CACNA1E: variants seen among roughly 807,000 people sequenced by gnomAD.
The protein encoded by CACNA1E is voltage-dependent R-type calcium channel subunit alpha-1E.
A neutral mutation model predicts 259.2 loss-of-function variants in CACNA1E; 40 were observed. The observed-to-expected ratio is 0.15, with a 90% confidence interval of 0.12 to 0.20. CACNA1E has a LOEUF of 0.20. CACNA1E is among the 10% of genes least tolerant of loss of function. CACNA1E has a pLI of 1.00. For missense variants in CACNA1E, 1,874 were observed against 3,040.1 expected (o/e 0.62, Z 9.02); for synonymous variants, 1,104 against 1,138.5 (o/e 0.97, Z 0.61).
chr1:181,478,684 G>A (rs1663028607), upstream of CACNA1E, among the ~76,000 whole-genome samples: 1 of 152,242 alleles, frequency 6.6e-6, no homozygotes, highest in African/African-American at 2.4e-5. Flanking sequence ...GAGGGGCACA[G>A]GCCATTTGGA....
chr1:181,457,288 C>T (rs1661522098), intron 2 of CACNA1E, among the ~76,000 whole-genome samples: 1 of 152,236 alleles, frequency 6.6e-6, no homozygotes, highest in South Asian at 2.1e-4. Context: ...CTAATCACTT[C>T]CCAAAGGCCC....
chr1:181,492,137 C>G (rs2102514127), intron 1 of CACNA1E, among the ~76,000 whole-genome samples: 1 of 152,232 alleles, frequency 6.6e-6, no homozygotes, highest in East Asian at 1.9e-4. Context: ...CAAAACAAAA[C>G]AAAACAAAAC....
At chr1:181,422,672 T>C (rs531071380) in intron 2 of CACNA1E, among the ~76,000 whole-genome samples, 71 of 152,322 alleles carry the variant, frequency 4.7e-4, no homozygotes, top group African/African-American at 1.7e-3. Context: ...CAGCAACCTT[T>C]TTGAATTGTT....
chr1:181,364,555 G>A (rs1365011161), intron 1 of CACNA1E, among the ~76,000 whole-genome samples: 1 of 152,196 alleles, frequency 6.6e-6, no homozygotes, highest in African/African-American at 2.4e-5. Context: ...AGAAATAACA[G>A]GGATGGATGG....
chr1:181,403,714 A>G (rs967207759), intron 1 of CACNA1E, among the ~76,000 whole-genome samples: 56 of 152,296 alleles, frequency 3.7e-4, no homozygotes, highest in African/African-American at 1.3e-3. Context: ...CCCTCAACTA[A>G]TGTGCTTTGG....
intron 10 of CACNA1E, among the ~76,000 whole-genome samples, chr1:181,716,498 A>G (rs1018556836): frequency 6.6e-6 from 1 of 152,190 alleles, no homozygotes; most frequent in African/African-American, 2.4e-5. Context: ...TTCCAGGGAC[A>G]CGGATGTGAG....
chr1:181,586,169 G>C (rs1315105391), intron 6 of CACNA1E, among the ~76,000 whole-genome samples: 1 of 152,196 alleles, frequency 6.6e-6, no homozygotes, highest in Non-Finnish European at 1.5e-5. Context: ...ATGAGTTTGG[G>C]AGAAAGCAGC....
At chr1:181,326,020 C>T (rs112935825) in intron 1 of CACNA1E, among the ~76,000 whole-genome samples, 70 of 152,364 alleles carry the variant, frequency 4.6e-4, no homozygotes, top group African/African-American at 1.6e-3. Flanking sequence ...CCCGCTCCGC[C>T]GCCGGTTTCC....
intron 7 of CACNA1E, among the ~76,000 whole-genome samples, chr1:181,662,967 T>A (rs1355436786): frequency 6.6e-6 from 1 of 152,208 alleles, no homozygotes; most frequent in Non-Finnish European, 1.5e-5. Flanking sequence ...TTTTCTTTGT[T>A]AAATTCCTGC....
intron 25 of CACNA1E, among the ~76,000 whole-genome samples, chr1:181,744,343 G>A (rs996163528): frequency 3.9e-5 from 6 of 152,210 alleles, no homozygotes; most frequent in Admixed American, 1.3e-4. Flanking sequence ...GGAGCTGGGC[G>A]TGGTGGCTCA....
chr1:181,610,965 A>C (rs1558183123), intron 6 of CACNA1E, among the ~76,000 whole-genome samples: 1 of 152,080 alleles, frequency 6.6e-6, no homozygotes, highest in African/African-American at 2.4e-5. Context: ...TAAGATGGGG[A>C]AACAGAAGAG....
At chr1:181,602,788 T>C (rs1201373108) in intron 6 of CACNA1E, among the ~76,000 whole-genome samples, 1 of 152,126 alleles carries the variant, frequency 6.6e-6, no homozygotes, top group Non-Finnish European at 1.5e-5. Flanking sequence ...ATGTCCTTAG[T>C]ATTATTAGGC....
At chr1:181,562,491 A>G (rs1649423984) in intron 3 of CACNA1E, among the ~76,000 whole-genome samples, 1 of 152,190 alleles carries the variant, frequency 6.6e-6, no homozygotes, top group African/African-American at 2.4e-5. Context: ...CCATGGCTGT[A>G]TCTCTACAGG....
intron 1 of CACNA1E, among the ~76,000 whole-genome samples, chr1:181,503,315 TGTGATG>T (rs1444201415): frequency 6.6e-6 from 1 of 152,244 alleles, no homozygotes; most frequent in Non-Finnish European, 1.5e-5. Flanking sequence ...GCCAGACTTC[TGTGATG>T]GTTCAACCCC....
At position 181,758,084 on chromosome 1, in the gene CACNA1E, C is replaced by G; in HGVS notation, c.4467C>G (p.Ala1489=). ...SFEYTIMAMI[A]LNTVVLMMKY... ...AGTACACCATTATGGCCATGATCGC[C>G]TTGAATACTGTTGTGCTGATGATGA... The change falls in exon 31 of 48, where the codon GCC becomes GCG. Residue 1489 remains alanine, a synonymous_variant. Coordinates refer to ENST00000367573, the MANE Select transcript of CACNA1E (RefSeq NM_001205293.3). This position sits in a 1 kb window ranked among gnomAD's most constrained non-coding sequence, Gnocchi z 4.2. 6.2e-7 allele frequency: 1 copy of G among 1,613,854 alleles called. No homozygotes were observed. Among genetic ancestry groups the G allele is most frequent in the Non-Finnish European group, 8.5e-7 (1 of 1,179,868 alleles).
intron 45 of CACNA1E, 139 bp downstream of exon 45, chr1:181,793,932 G>T (rs370611747): frequency 1.1e-6 from 1 of 897,652 alleles, no homozygotes; most frequent in Admixed American, 3.0e-5. Flanking sequence ...CTCATGGGTC[G>T]TCTCTAATAG....
At chr1:181,516,389 T>A (rs1221597093) in intron 3 of CACNA1E, among the ~76,000 whole-genome samples, 3 of 147,504 alleles carry the variant, frequency 2.0e-5, no homozygotes, top group Non-Finnish European at 3.0e-5. Context: ...ACACACAATT[T>A]CTAATCCTAA....
chr1:181,387,752 T>A (rs912574728), intron 1 of CACNA1E, among the ~76,000 whole-genome samples: 1 of 152,232 alleles, frequency 6.6e-6, no homozygotes, highest in Non-Finnish European at 1.5e-5. Flanking sequence ...CGTATTTTCA[T>A]AGAATAACAG....
chr1:181,415,082 C>T (rs994372710), intron 2 of CACNA1E, among the ~76,000 whole-genome samples: 1 of 152,182 alleles, frequency 6.6e-6, no homozygotes, highest in African/African-American at 2.4e-5. Flanking sequence ...TGATAGCTGG[C>T]CTTTCTTCAT....
Sources: allele counts gnomAD v4.1 joint callset (sites outside exome capture counted in the v4.1 genomes callset), GRCh38; gene constraint gnomAD v4.1.1; non-coding constraint Gnocchi (gnomAD v3.1); transcripts MANE v1.5; gene names NCBI Gene and HGNC (gene_info 2026-07-23, HGNC 2026-07-21).